The following ZSCAN31 variants were observed in gnomAD, a reference collection of about 807,000 sequenced individuals.
The protein encoded by ZSCAN31 is zinc finger and SCAN domain containing 31.
Under a neutral mutation model 22.5 loss-of-function variants are expected in ZSCAN31, and 14 were observed. That is an observed-to-expected ratio of 0.62 (90% confidence interval 0.41 to 0.97). ZSCAN31 has a LOEUF of 0.97. Among genes scored for constraint, ZSCAN31 ranks in the 50% least tolerant of loss-of-function variants. The pLI is 0.00. For missense variants in ZSCAN31, 424 were observed against 483.4 expected (o/e 0.88, Z 1.15); for synonymous variants, 168 against 169.8 (o/e 0.99, Z 0.08).
At position 28,326,703 on chromosome 6, in the gene ZSCAN31, C is replaced by G; in HGVS notation, c.684G>C (p.Lys228Asn). ...TCTCTCCAGTGGAATGTGCCTGCTG[C>G]TTTTCTGCCTTGCTGTCTCGTTTAC... ...ETCKRDSKAE[K>N]QQAHSTGERR... Residue 228 changes from lysine (K) to asparagine (N), a missense_variant, in exon 4 of 4, where the codon AAG (lysine) becomes AAC (asparagine). Lys to Asn is a moderately conservative substitution (Grantham distance 94). Transcript: ENST00000344279. The G allele has an allele frequency of 6.2e-7, 1 of 1,614,188 alleles. No homozygotes were observed. The highest frequency in any genetic ancestry group is 8.5e-7 in the Non-Finnish European group (1 of 1,180,028).
At chr6:28,343,876 A>C (rs904863626) in intron 2 of ZSCAN31, among the ~76,000 whole-genome samples, 1 of 152,156 alleles carries the variant, frequency 6.6e-6, no homozygotes, top group Non-Finnish European at 1.5e-5. Context: ...TCAGGTATAT[A>C]ATGTGTAGTC....
rs1449829407 is a variant in ZSCAN31 at position 28,331,279 on chromosome 6, C to G, written c.-95-1501G>C. On this transcript the variant is annotated intron_variant, in intron 1 of 3. Transcript: ENST00000344279. The surrounding 1 kb of genome is among the most constrained non-coding windows in gnomAD (Gnocchi z 4.8). ...AAGTTTAATGGTAGTTAAACTGATA[C>G]AATGTTGACTTTAGTGGTGTAATTT... Among the ~76,000 whole-genome samples the G allele has an allele frequency of 6.6e-6, 1 of 152,098 alleles. No individual in the cohort carries two copies. Among genetic ancestry groups the G allele is most frequent in the Non-Finnish European group, 1.5e-5 (1 of 68,024 alleles).
At chr6:28,344,955 C>T (rs925168540) in intron 2 of ZSCAN31, among the ~76,000 whole-genome samples, 1 of 147,994 alleles carries the variant, frequency 6.8e-6, no homozygotes, top group African/African-American at 2.6e-5. Context: ...CATGGCAAAA[C>T]CCGTTCTCTA....
intron 2 of ZSCAN31, chr6:28,350,150 C>T (rs1405731934): frequency 6.6e-6 from 1 of 152,262 alleles, no homozygotes; most frequent in Non-Finnish European, 1.5e-5. Context: ...TTCCTGCAGC[C>T]TCGGCTCCCA....
chr6:28,339,549 A>G (rs541567422), upstream of ZSCAN31, among the ~76,000 whole-genome samples: 4 of 152,320 alleles, frequency 2.6e-5, no homozygotes, highest in East Asian at 5.8e-4. Context: ...TGGCCTTCCA[A>G]TGTGCTGGGA....
At chr6:28,330,203 G>A (rs1192590600) in intron 1 of ZSCAN31, among the ~76,000 whole-genome samples, 1 of 152,160 alleles carries the variant, frequency 6.6e-6, no homozygotes, top group Non-Finnish European at 1.5e-5. Flanking sequence ...TGGAGCAGAT[G>A]AGACCATCCT....
intron 2 of ZSCAN31, among the ~76,000 whole-genome samples, chr6:28,345,572 A>G (rs184657162): frequency 2.0e-5 from 3 of 152,330 alleles, no homozygotes; most frequent in Admixed American, 1.3e-4. Flanking sequence ...CATCAGTGGC[A>G]AGTGATTCAT....
chr6:28,354,466 G>A (rs973627982), upstream of ZSCAN31, among the ~76,000 whole-genome samples: 4 of 152,114 alleles, frequency 2.6e-5, no homozygotes, highest in Non-Finnish European at 4.4e-5. Flanking sequence ...TTGGCACACA[G>A]GCCTGACATA....
At chr6:28,356,142 T>C (rs1765404771), upstream of ZSCAN31, 1 of 152,242 alleles carries the variant, frequency 6.6e-6, no homozygotes, top group Admixed American at 6.5e-5. Context: ...CCTTTGGTTG[T>C]CCGGTGTCCC....
Position 28,326,141 on chromosome 6 carries a change from G to T in ZSCAN31, c.*25C>A. ...GCCTAATAAGGTTGCAATGATGACT[G>T]AAGGCTTTCCCAAACTCATCACCCT... On this transcript the variant is annotated 3_prime_UTR_variant, in exon 4 of 4. Transcript: ENST00000344279. 6.4e-7 allele frequency: 1 copy of T among 1,571,410 alleles called. No homozygotes were observed. The highest frequency in any genetic ancestry group is 1.2e-5 in the South Asian group (1 of 86,644).
At chr6:28,345,263 C>T (rs1440058360) in intron 2 of ZSCAN31, among the ~76,000 whole-genome samples, 2 of 151,772 alleles carry the variant, frequency 1.3e-5, no homozygotes, top group African/African-American at 4.8e-5. Flanking sequence ...GAAGAAAGTC[C>T]CTGTACACAT....
intron 2 of ZSCAN31, among the ~76,000 whole-genome samples, chr6:28,346,045 C>A (rs1022678335): frequency 6.6e-6 from 1 of 152,076 alleles, no homozygotes; most frequent in Non-Finnish European, 1.5e-5. Flanking sequence ...TTCTATGTAC[C>A]CTCTTGATTC....
chr6:28,352,720 TA>T (rs968419089), intron 2 of ZSCAN31, among the ~76,000 whole-genome samples: 2 of 152,224 alleles, frequency 1.3e-5, no homozygotes, highest in Non-Finnish European at 2.9e-5. Context: ...ATTTTGGTAT[TA>T]TTAGCTCATG....
chr6:28,344,679 C>T (rs6918631), intron 2 of ZSCAN31, among the ~76,000 whole-genome samples: 7,820 of 152,202 alleles, frequency 0.051, 497 homozygotes, highest in African/African-American at 0.15. Flanking sequence ...CAGATGTGAT[C>T]CTGGCATTAG....
rs73742544 is a variant in ZSCAN31 at position 28,349,759 on chromosome 6, T to A, written c.-371+4103A>T. Among the ~76,000 whole-genome samples, 11,487 of 152,258 alleles carry A rather than the reference T, an allele frequency of 0.075. 674 individuals carry two copies. The highest frequency in any genetic ancestry group is 0.16 in the African/African-American group (6,511 of 41,522). On this transcript the variant is annotated intron_variant, in intron 2 of 7. Transcript: ENST00000396838. This position sits in a 1 kb window ranked among gnomAD's most constrained non-coding sequence, Gnocchi z 4.1. The stretch of plus-strand genomic sequence containing the variant: ...CTCTTCTATTCGCAAATATAGCAAA[T>A]TATGAAAATAATTCTGCACCTTGCC...
chr6:28,332,784 T>C (rs1763860508), intron 1 of ZSCAN31, among the ~76,000 whole-genome samples: 1 of 152,254 alleles, frequency 6.6e-6, no homozygotes, highest in African/African-American at 2.4e-5. Context: ...ATTTGTGTAC[T>C]GAAGCCCATC....
chr6:28,328,745 G>T (rs1321803621), intron 2 of ZSCAN31, among the ~76,000 whole-genome samples: 1 of 152,204 alleles, frequency 6.6e-6, no homozygotes, highest in African/African-American at 2.4e-5. Context: ...TTGGGGAAGT[G>T]ATAAGTGTCC....
chr6:28,347,559 T>C lies in ZSCAN31; in HGVS notation c.-370-5767A>G, dbSNP rs1323357110. ...TTATGTATTTATTTATTCTGCTTAA[T>C]TCTTTTGTTTGTTTTTGTTTATTAT... On this transcript the variant is annotated intron_variant, in intron 2 of 7. Coordinates refer to the ZSCAN31 transcript ENST00000396838. The surrounding 1 kb of genome is among the most constrained non-coding windows in gnomAD (Gnocchi z 5.2). Among the ~76,000 whole-genome samples the C allele has an allele frequency of 6.6e-6, 1 of 152,216 alleles. No individual in the cohort carries two copies. Among genetic ancestry groups the C allele is most frequent in the African/African-American group, 2.4e-5 (1 of 41,454 alleles).
chr6:28,332,139 C>T (rs1374427552), intron 1 of ZSCAN31: 2 of 152,200 alleles, frequency 1.3e-5, no homozygotes, highest in Non-Finnish European at 2.9e-5. Flanking sequence ...GTCCCCCAAA[C>T]CACCCCTGTT....
Sources: allele counts gnomAD v4.1 joint callset (sites outside exome capture counted in the v4.1 genomes callset), GRCh38; gene constraint gnomAD v4.1.1; non-coding constraint Gnocchi (gnomAD v3.1); transcripts MANE v1.5; gene names NCBI Gene and HGNC (gene_info 2026-07-23, HGNC 2026-07-21).